SGCZ: variants seen among roughly 807,000 people sequenced by gnomAD.
SGCZ encodes sarcoglycan zeta, also known as zeta-sarcoglycan.
SGCZ carries 40 observed loss-of-function variants against 41.3 expected under a neutral mutation model. That is an observed-to-expected ratio of 0.97 (90% CI 0.75 to 1.26). The LOEUF is 1.26. Among genes scored for constraint, SGCZ ranks in the 50% most tolerant of loss-of-function variants. SGCZ has a pLI of 0.00. For missense variants in SGCZ, 552 were observed against 369.8 expected (o/e 1.49, Z -4.04); for synonymous variants, 206 against 137.5 (o/e 1.50, Z -3.49).
chr8:14,862,372 G>C (rs1322257951), intron 1 of SGCZ, among the ~76,000 whole-genome samples: 1 of 151,850 alleles, frequency 6.6e-6, no homozygotes, highest in African/African-American at 2.4e-5. Flanking sequence ...AAGTGTGGCT[G>C]TTGTGCAAAT....
At chr8:15,168,930 G>A (rs1432962568) in intron 1 of SGCZ, among the ~76,000 whole-genome samples, 2 of 152,134 alleles carry the variant, frequency 1.3e-5, no homozygotes, top group African/African-American at 4.8e-5. Flanking sequence ...AAGTTTTTTT[G>A]TCATTCAGGC....
intron 1 of SGCZ, among the ~76,000 whole-genome samples, chr8:15,154,395 C>T (rs980505530): frequency 6.6e-6 from 1 of 152,186 alleles, no homozygotes; most frequent in African/African-American, 2.4e-5. Flanking sequence ...CCTGGTCATG[C>T]CTCCCTTCCA....
intron 1 of SGCZ, among the ~76,000 whole-genome samples, chr8:14,753,694 G>A (rs1486485559): frequency 6.6e-6 from 1 of 152,186 alleles, no homozygotes; most frequent in Non-Finnish European, 1.5e-5. Flanking sequence ...TACAATTTTA[G>A]TGACTTTCTT....
At chr8:14,194,921 G>T (rs1805217619) in intron 4 of SGCZ, among the ~76,000 whole-genome samples, 1 of 151,994 alleles carries the variant, frequency 6.6e-6, no homozygotes, top group Non-Finnish European at 1.5e-5. Context: ...GCAATGCTAT[G>T]ATCTGCCAAA....
chr8:14,228,972 T>A (rs1806468241), intron 4 of SGCZ, among the ~76,000 whole-genome samples: 1 of 152,084 alleles, frequency 6.6e-6, no homozygotes, highest in African/African-American at 2.4e-5. Context: ...CACAGAGCAC[T>A]GTTAAGCGGA....
chr8:15,091,367 C>A (rs190615794), intron 1 of SGCZ, among the ~76,000 whole-genome samples: 93 of 152,308 alleles, frequency 6.1e-4, no homozygotes, highest in Non-Finnish European at 7.3e-5. Flanking sequence ...GACTTTTCTT[C>A]TGAACCTTAC....
At chr8:15,134,827 T>C (rs1157577875) in intron 1 of SGCZ, among the ~76,000 whole-genome samples, 2 of 152,218 alleles carry the variant, frequency 1.3e-5, no homozygotes, top group Non-Finnish European at 2.9e-5. Context: ...ACTTTTAATA[T>C]ATGAGTATGC....
intron 4 of SGCZ, among the ~76,000 whole-genome samples, chr8:14,183,616 A>G (rs542456868): frequency 6.6e-6 from 1 of 152,312 alleles, no homozygotes; most frequent in South Asian, 2.1e-4. Context: ...ATCTCAGCAT[A>G]GTTACAAAAA....
At chr8:14,175,060 G>C (rs1050094736) in intron 4 of SGCZ, among the ~76,000 whole-genome samples, 1 of 152,136 alleles carries the variant, frequency 6.6e-6, no homozygotes, top group Non-Finnish European at 1.5e-5. Flanking sequence ...TTCTGGTACT[G>C]AAGGTTAAGA....
chr8:14,386,085 A>G (rs1478376038), intron 2 of SGCZ, among the ~76,000 whole-genome samples: 2 of 152,264 alleles, frequency 1.3e-5, no homozygotes, highest in Middle Eastern at 3.4e-3. Context: ...TTTTCCAAAT[A>G]TATTCAGTCT....
At chr8:14,654,954 C>G (rs1457242935) in intron 1 of SGCZ, among the ~76,000 whole-genome samples, 1 of 152,030 alleles carries the variant, frequency 6.6e-6, no homozygotes, top group African/African-American at 2.4e-5. Flanking sequence ...CAGGAAGCCA[C>G]TGCACTGGCC....
chr8:14,097,652 T>G (rs1347557038), intron 7 of SGCZ, among the ~76,000 whole-genome samples: 1 of 152,192 alleles, frequency 6.6e-6, no homozygotes, highest in Non-Finnish European at 1.5e-5. Context: ...TTGTTAATTT[T>G]CTGTCTTGTT....
intron 5 of SGCZ, among the ~76,000 whole-genome samples, chr8:14,147,726 G>A (rs914370646): frequency 6.6e-6 from 1 of 152,112 alleles, no homozygotes; most frequent in Non-Finnish European, 1.5e-5. Flanking sequence ...GATATTTATA[G>A]AACATTTCAT....
chr8:14,249,153 T>C, intron 3 of SGCZ, among the ~76,000 whole-genome samples: 1 of 152,150 alleles, frequency 6.6e-6, no homozygotes, highest in East Asian at 1.9e-4. Flanking sequence ...CTCCCCAGTG[T>C]AGTTGGACCT....
intron 4 of SGCZ, among the ~76,000 whole-genome samples, chr8:14,170,647 CA>C (rs1412547292): frequency 6.6e-6 from 1 of 152,018 alleles, no homozygotes; most frequent in East Asian, 1.9e-4. Context: ...AACATATGTA[CA>C]AAATATTGTT....
At chr8:14,359,974 T>C (rs1027458121) in intron 2 of SGCZ, among the ~76,000 whole-genome samples, 3 of 152,174 alleles carry the variant, frequency 2.0e-5, no homozygotes, top group African/African-American at 7.2e-5. Context: ...TGCAAATGAA[T>C]GTGATATATC....
chr8:14,379,511 G>T (rs577993157), intron 2 of SGCZ, among the ~76,000 whole-genome samples: 1 of 151,894 alleles, frequency 6.6e-6, no homozygotes, highest in Non-Finnish European at 1.5e-5. Context: ...TGCTCCCAAG[G>T]GAAACAACTC....
chr8:15,010,625 A>G (rs1359957932), intron 1 of SGCZ, among the ~76,000 whole-genome samples: 1 of 152,208 alleles, frequency 6.6e-6, no homozygotes, highest in Non-Finnish European at 1.5e-5. Context: ...CTGGAATGAA[A>G]GTTCTTTTAA....
chr8:14,187,681 T>C (rs1396040177), intron 4 of SGCZ, among the ~76,000 whole-genome samples: 1 of 151,308 alleles, frequency 6.6e-6, no homozygotes, highest in East Asian at 1.9e-4. Context: ...GAAAAAAGAA[T>C]GAAAAAAATG....
Sources: gnomAD v4.1 joint callset for allele counts (sites outside exome capture counted in the v4.1 genomes callset) on GRCh38, gnomAD v4.1.1 for gene constraint, MANE v1.5 for transcripts, NCBI Gene and HGNC (gene_info 2026-07-23, HGNC 2026-07-21) for gene names.